The following ANKRD30A variants were observed in gnomAD, a reference collection of about 807,000 sequenced individuals.
The protein encoded by ANKRD30A is ankyrin repeat domain-containing protein 30A.
ANKRD30A carries 170 observed loss-of-function variants against 166.3 expected under a neutral mutation model. The ratio of observed to expected loss-of-function variants is 1.02; its 90% CI spans 0.90 to 1.16. The LOEUF (loss-of-function observed/expected upper bound fraction) is 1.16. Ranked by LOEUF, ANKRD30A falls within the 50% of genes most tolerant of loss-of-function variation. ANKRD30A has a pLI of 0.00. For synonymous variants in ANKRD30A, 564 were observed against 508.9 expected (o/e 1.11, Z -1.46); for missense variants, 1,630 against 1,518.0 (o/e 1.07, Z -1.23).
downstream of ANKRD30A, among the ~76,000 whole-genome samples, chr10:37,235,295 C>T (rs1256644726): frequency 1.3e-5 from 2 of 151,836 alleles, no homozygotes; most frequent in Admixed American, 1.3e-4. Flanking sequence ...AATCTATCAG[C>T]TCTTTGGTCA....
At chr10:37,170,773 CT>C (rs1221036472) in intron 21 of ANKRD30A, among the ~76,000 whole-genome samples, 4 of 16,252 alleles carry the variant, frequency 2.5e-4, no homozygotes, top group Non-Finnish European at 4.9e-4. Flanking sequence ...CTTAAATTTT[CT>C]TTTTTTTTGT....
intron 15 of ANKRD30A, among the ~76,000 whole-genome samples, chr10:37,159,164 C>T (rs1838631940): frequency 1.3e-5 from 2 of 152,068 alleles, no homozygotes; most frequent in Non-Finnish European, 2.9e-5. Flanking sequence ...TAATGAATTG[C>T]CTAGAGATAC....
rs1428742224 is a variant in ANKRD30A at position 37,217,828 on chromosome 10, C to T, written c.3217C>T (p.Leu1073Phe). The change falls in exon 33 of 36, where the codon CTC (leucine) becomes TTC (phenylalanine). Residue 1073 changes from leucine (L) to phenylalanine (F), a missense_variant. Leu to Phe is a conservative substitution (Grantham distance 22). Transcript: ENST00000361713. ...LEVKQQLEQA[L>F]RIQDIELKSV... is the part of the protein sequence containing the mutation. ...AGTGAAACAACAACTTGAACAGGCTCTCAGAATACAAGATATAGAATTGAA... is the reference window on the plus strand; with the variant it reads ...AGTGAAACAACAACTTGAACAGGCTTTCAGAATACAAGATATAGAATTGAA... 1.3e-6 allele frequency: 2 copies of T among 1,599,192 alleles called. No individual in the cohort carries two copies. Among genetic ancestry groups the T allele is most frequent in the Admixed American group, 1.7e-5 (1 of 58,258 alleles).
intron 8 of ANKRD30A, among the ~76,000 whole-genome samples, chr10:37,145,512 TA>T (rs926904248): frequency 7.2e-5 from 6 of 83,502 alleles, no homozygotes; most frequent in East Asian, 3.7e-4. Flanking sequence ...AAGAAATACT[TA>T]AAAAAAAATG....
rs377107925 is a variant in ANKRD30A at position 37,136,599 on chromosome 10, A to G, written c.756-8A>G. ...TGGTAATTTTATTTATCACATTTTT[A>G]TACATAGCATTCATGAACAAATTAT... On this transcript the variant is annotated splice_polypyrimidine_tract_variant and splice_region_variant and intron_variant, in intron 5 of 35. Coordinates refer to ENST00000361713, the MANE Select transcript of ANKRD30A (RefSeq NM_052997.3). 40 of 1,244,042 alleles carry G rather than the reference A, an allele frequency of 3.2e-5. No individual in the cohort carries two copies. The highest frequency in any genetic ancestry group is 4.7e-5 in the Admixed American group (2 of 42,158). 77.1% of individuals were successfully genotyped at this position (1,244,042 alleles called of 1,614,324 possible). A position where few individuals can be genotyped will look rare whatever the true frequency, so the allele number is the denominator to read the frequency against.
At chr10:37,221,620 G>A (rs1842902088) in intron 34 of ANKRD30A, among the ~76,000 whole-genome samples, 1 of 151,126 alleles carries the variant, frequency 6.6e-6, no homozygotes, top group Admixed American at 6.6e-5. Context: ...TTTAAAATGT[G>A]CTTATTTTTA....
chr10:37,202,009 G>C (rs1267257116), intron 31 of ANKRD30A, among the ~76,000 whole-genome samples: 2 of 152,166 alleles, frequency 1.3e-5, no homozygotes, highest in African/African-American at 4.8e-5. Flanking sequence ...TTGGGATTCT[G>C]CATTTTTAAA....
Position 37,145,007 on chromosome 10 carries a change from C to A in ANKRD30A, c.1406C>A (p.Pro469Gln). 1 of 1,598,722 alleles carries A rather than the reference C, an allele frequency of 6.3e-7. No individual in the cohort carries two copies. Among genetic ancestry groups the A allele is most frequent in the Admixed American group, 1.7e-5 (1 of 58,506 alleles). ...TAACTTTTTATAGATCAGAGGTTCC[C>A]ATCAGAATCCAAACAAGAGGAAGAT... ...TKASANDQRF[P>Q]SESKQEEDEE... The change falls in exon 8 of 36, where the codon CCA (proline) becomes CAA (glutamine). Residue 469 changes from proline (P) to glutamine (Q), a missense_variant. By Grantham distance (76) the Pro-to-Gln change is moderately conservative. Around this residue, in one of 4 missense-constraint regions of ANKRD30A, gnomAD observed 904 missense variants for 818.5 expected, o/e 1.10. Transcript: ENST00000361713.
At chr10:37,257,874 C>T in the ANKRD30A span, among the ~76,000 whole-genome samples, 7 of 152,142 alleles carry the variant, frequency 4.6e-5, no homozygotes, top group Non-Finnish European at 1.0e-4. Flanking sequence ...AACAGAAAAC[C>T]AAACACTGCA....
intron 6 of ANKRD30A, 33 bp from the exon 7 acceptor site, chr10:37,141,685 A>G: frequency 6.2e-7 from 1 of 1,608,088 alleles, no homozygotes; most frequent in East Asian, 2.2e-5. Flanking sequence ...TATTTAGTAG[A>G]AGGAAAATTT....
the ANKRD30A span, chr10:37,248,238 A>G: frequency 8.2e-6 from 5 of 609,844 alleles, no homozygotes; most frequent in South Asian, 6.9e-5. Flanking sequence ...CTTCAACACA[A>G]GGGTAAATAA....
intron 34 of ANKRD30A, among the ~76,000 whole-genome samples, chr10:37,230,317 A>G (rs1279126935): frequency 2.6e-5 from 4 of 152,044 alleles, no homozygotes; most frequent in Non-Finnish European, 5.9e-5. Flanking sequence ...CAGGTTCACA[A>G]CATCAGTGGG....
chr10:37,159,809 C>T (rs1380716837), intron 15 of ANKRD30A, among the ~76,000 whole-genome samples: 2 of 152,144 alleles, frequency 1.3e-5, no homozygotes, highest in Non-Finnish European at 2.9e-5. Flanking sequence ...ATTCTCCTGC[C>T]TCAGCCTCCC....
At chr10:37,257,120 C>A in the ANKRD30A span, among the ~76,000 whole-genome samples, 1 of 151,646 alleles carries the variant, frequency 6.6e-6, no homozygotes, top group East Asian at 1.9e-4. Flanking sequence ...GGTTTCATGG[C>A]GGGAGGGTGT....
the ANKRD30A span, among the ~76,000 whole-genome samples, chr10:37,249,826 T>C: frequency 6.6e-6 from 1 of 152,222 alleles, no homozygotes; most frequent in African/African-American, 2.4e-5. Flanking sequence ...TGCTTAGGCA[T>C]TGAAGGGTCA....
the ANKRD30A span, among the ~76,000 whole-genome samples, chr10:37,251,057 C>T: frequency 0.022 from 3,383 of 152,254 alleles, 96 homozygotes; most frequent in South Asian, 0.13. Context: ...TTATCACTAA[C>T]ACGTGGGTGG....
chr10:37,235,999 A>AC (rs1221025009), downstream of ANKRD30A, among the ~76,000 whole-genome samples: 4 of 151,934 alleles, frequency 2.6e-5, no homozygotes, highest in Non-Finnish European at 5.9e-5. Flanking sequence ...CGATCTCCTG[A>AC]CCTCGTGATC....
Position 37,216,261 on chromosome 10 carries a change from C to T in ANKRD30A, c.2950C>T (p.Gln984Ter), listed in dbSNP as rs763633493. Residue 984 changes from glutamine to a stop codon, truncating the protein, a stop_gained, in exon 32 of 36, where the codon CAA (glutamine) becomes TAA (stop). Coordinates refer to ENST00000361713, the MANE Select transcript of ANKRD30A (RefSeq NM_052997.3). LOFTEE classifies it high-confidence loss of function. ...GGAACTTCAAAAAGATCACTGTGAA[C>T]AACGTACAGGAAAAATGGAACAAAT... ...ARELQKDHCEQRTGKMEQMKK... is the reference protein window; with the variant it reads ...ARELQKDHCE 4 of 1,608,212 alleles carry T rather than the reference C, an allele frequency of 2.5e-6. No individual in the cohort carries two copies. The South Asian group carries it at 4.4e-5, about 18-fold the overall frequency.
At chr10:37,134,223 C>G (rs1836541940) in intron 5 of ANKRD30A, among the ~76,000 whole-genome samples, 170 bp downstream of exon 5, 1 of 152,166 alleles carries the variant, frequency 6.6e-6, no homozygotes, top group African/African-American at 2.4e-5. Context: ...AACTTTATCC[C>G]TAGGGATCCT....
Sources: allele counts gnomAD v4.1 joint callset (sites outside exome capture counted in the v4.1 genomes callset), GRCh38; gene constraint gnomAD v4.1.1; regional missense constraint gnomAD v4.1.1; transcripts MANE v1.5; gene names NCBI Gene and HGNC (gene_info 2026-07-23, HGNC 2026-07-21).